PDGFA: variants seen among roughly 807,000 people sequenced by gnomAD.
PDGFA encodes the protein platelet-derived growth factor subunit A.
PDGFA carries 9 observed loss-of-function variants against 25.6 expected under a neutral mutation model. That is an observed-to-expected ratio of 0.35 (90% CI 0.21 to 0.61). PDGFA has a LOEUF of 0.61. Ranked by LOEUF, PDGFA falls within the 20% of genes least tolerant of loss-of-function variation. PDGFA has a pLI of 0.75. For synonymous variants in PDGFA, 133 were observed against 111.8 expected, an observed-to-expected ratio of 1.19 and a Z score of -1.20; for missense variants, 242 against 272.8, an observed-to-expected ratio of 0.89 and a Z score of 0.79.
chr7:510,849 A>G, exon 4 of PDGFA: 1 of 1,608,472 alleles, frequency 6.2e-7, no homozygotes, highest in South Asian at 1.1e-5. Context: ...CTGGCACTTG[A>G]CACTGCTCGT....
intron 4 of PDGFA, among the ~76,000 whole-genome samples, chr7:504,080 G>T (rs1231709208): frequency 6.6e-6 from 1 of 152,138 alleles, no homozygotes; most frequent in Admixed American, 6.5e-5. Context: ...CACCCACCCA[G>T]GAGTTGAGGA....
At chr7:518,882 C>CG (rs1289601056) in intron 1 of PDGFA, 57 bp downstream of exon 1, 8 of 1,217,036 alleles carry the variant, frequency 6.6e-6, no homozygotes, top group Non-Finnish European at 9.0e-6. Flanking sequence ...CCCCAGCCGG[C>CG]GGGGGGTGTG....
At chr7:499,431 T>A (rs1782226582) in intron 5 of PDGFA, among the ~76,000 whole-genome samples, 1 of 152,324 alleles carries the variant, frequency 6.6e-6, no homozygotes, top group East Asian at 1.9e-4. Context: ...AAAGAAACTA[T>A]TTGTTTTGGC....
exon 6 of PDGFA, chr7:497,961 A>AC (rs1782153336): frequency 6.8e-5 from 9 of 132,098 alleles, no homozygotes; most frequent in African/African-American, 1.4e-4. Flanking sequence ...AAAAAAAACA[A>AC]AAAAAAAAAA....
chr7:501,073 G>C (rs754669424), intron 5 of PDGFA, 43 bp downstream of exon 5: 3 of 1,614,024 alleles, frequency 1.9e-6, no homozygotes, highest in Non-Finnish European at 2.5e-6. Context: ...AGGCTCTGAA[G>C]ACCTGTTCTC....
chr7:514,062 C>T (rs925029366), intron 2 of PDGFA, among the ~76,000 whole-genome samples: 2 of 152,200 alleles, frequency 1.3e-5, no homozygotes, highest in Admixed American at 6.5e-5. Flanking sequence ...GTAACGGGTC[C>T]GTTCTCCACT....
At chr7:514,435 T>C (rs1462902776) in intron 2 of PDGFA, among the ~76,000 whole-genome samples, 1 of 152,094 alleles carries the variant, frequency 6.6e-6, no homozygotes, top group Non-Finnish European at 1.5e-5. Context: ...AGCCCACCCT[T>C]TGCTCCCAGC....
At chr7:499,269 C>CTTG (rs1223873498) in intron 5 of PDGFA, among the ~76,000 whole-genome samples, 1 of 152,246 alleles carries the variant, frequency 6.6e-6, no homozygotes, top group Non-Finnish European at 1.5e-5. Flanking sequence ...GGCTGACCAA[C>CTTG]AGTCCTGGAC....
chr7:498,471 C>A, exon 6 of PDGFA: 1 of 1,231,448 alleles, frequency 8.1e-7, no homozygotes, highest in Non-Finnish European at 1.2e-6. Flanking sequence ...AGAACAAAGA[C>A]CGCACACTGG....
intron 4 of PDGFA, among the ~76,000 whole-genome samples, chr7:504,303 C>T (rs574464804): frequency 7.2e-5 from 11 of 152,162 alleles, no homozygotes; most frequent in East Asian, 3.9e-4. Flanking sequence ...CGGAGAGGCC[C>T]GGCCCGAGGA....
exon 4 of PDGFA, chr7:510,884 C>T (rs10275577): frequency 1.7e-5 from 28 of 1,612,096 alleles, no homozygotes; most frequent in Admixed American, 5.0e-5. Context: ...TGCAGCGTTT[C>T]ACCTCCACGC....
At chr7:502,617 C>T (rs545505706) in intron 4 of PDGFA, among the ~76,000 whole-genome samples, 102 of 152,278 alleles carry the variant, frequency 6.7e-4, no homozygotes, top group African/African-American at 2.4e-3. Context: ...TGCCTGTCTG[C>T]GAGCCACGCC....
chr7:520,266 G>T, upstream of PDGFA: 1 of 190,874 alleles, frequency 5.2e-6, no homozygotes, highest in Non-Finnish European at 1.1e-5. Flanking sequence ...CCAGAGAGCC[G>T]GTCCCCGCCC....
chr7:505,171 A>G (rs1256215336), intron 4 of PDGFA, among the ~76,000 whole-genome samples: 2 of 152,234 alleles, frequency 1.3e-5, no homozygotes, highest in African/African-American at 4.8e-5. Flanking sequence ...AAAGAAGGCC[A>G]AGTCCAAAGA....
chr7:508,216 G>A (rs1782650229), intron 4 of PDGFA, among the ~76,000 whole-genome samples: 1 of 152,020 alleles, frequency 6.6e-6, no homozygotes, highest in African/African-American at 2.4e-5. Flanking sequence ...GGGCGGGGGT[G>A]TGAAATAATT....
Position 501,258 on chromosome 7 carries a change from G to C in PDGFA, c.454-16C>G, listed in dbSNP as rs367884583. The C allele has an allele frequency of 1.5e-5, 25 of 1,613,662 alleles. No homozygotes were observed. Among genetic ancestry groups the C allele is most frequent in the Admixed American group, 1.0e-4 (6 of 60,012 alleles). ...CCTTGGCCACCTGCCAGAGAGAACA[G>C]AGCCCGGCCATGAATGCCTGCATGG... On this transcript the variant is annotated splice_polypyrimidine_tract_variant and intron_variant, in intron 4 of 5. Transcript: ENST00000402802.
intron 4 of PDGFA, among the ~76,000 whole-genome samples, chr7:510,299 C>A (rs1350216073): frequency 6.6e-6 from 1 of 152,024 alleles, no homozygotes; most frequent in Admixed American, 6.5e-5. Flanking sequence ...GTGTACCTGC[C>A]AGGGAGATGG....
chr7:503,005 C>A (rs1193392017), intron 4 of PDGFA, among the ~76,000 whole-genome samples: 2 of 152,152 alleles, frequency 1.3e-5, no homozygotes, highest in South Asian at 2.1e-4. Flanking sequence ...CTGGCATCAA[C>A]AGACCCCTAA....
Position 508,559 on chromosome 7 carries a change from CA to C in PDGFA, c.453+2249del, listed in dbSNP as rs766165770. Among the ~76,000 whole-genome samples the C allele has an allele frequency of 8.2e-3, 292 of 35,638 alleles. 5 individuals are homozygous for C. The highest frequency in any genetic ancestry group is 0.027 in the African/African-American group (244 of 8,984). 23.4% of individuals were successfully genotyped at this position (35,638 alleles called of 152,430 possible). ...TGGGCAACAGAGCAAGAAGCTGTCC[CA>C]AAAAAAAAAAAAAAAAAAAAAAAAA... On this transcript the variant is annotated intron_variant, in intron 4 of 5. Coordinates refer to ENST00000402802, the Ensembl canonical transcript of PDGFA.
Sources: gnomAD v4.1 joint callset for allele counts (sites outside exome capture counted in the v4.1 genomes callset) on GRCh38, gnomAD v4.1.1 for gene constraint, MANE v1.5 for transcripts, NCBI Gene and HGNC (gene_info 2026-07-23, HGNC 2026-07-21) for gene names.